AJAP1: variants seen among roughly 807,000 people sequenced by gnomAD.
The protein encoded by AJAP1 is adherens junctions associated protein 1.
AJAP1 carries 5 observed loss-of-function variants against 35.0 expected under a neutral mutation model. That is an observed-to-expected ratio of 0.14 (90% CI 0.07 to 0.30). AJAP1 has a LOEUF of 0.30. Among genes scored for constraint, AJAP1 ranks in the 10% least tolerant of loss-of-function variants. The probability of loss-of-function intolerance (pLI) is 1.00; values close to 1 mark genes in which losing one functional copy is unlikely to be tolerated. For missense variants in AJAP1, 586 were observed against 571.0 expected (o/e 1.03, Z -0.27); for synonymous variants, 284 against 249.3 (o/e 1.14, Z -1.31).
intron 2 of AJAP1, among the ~76,000 whole-genome samples, chr1:4,768,380 C>T (rs779306437): frequency 9.9e-5 from 15 of 152,204 alleles, no homozygotes; most frequent in Non-Finnish European, 7.3e-5. Context: ...ACAAAAATTA[C>T]CCCCAGAGAG....
intron 2 of AJAP1, among the ~76,000 whole-genome samples, chr1:4,751,171 T>G (rs530963818): frequency 6.6e-6 from 1 of 152,098 alleles, no homozygotes; most frequent in East Asian, 1.9e-4. Flanking sequence ...TTTCTCCCCC[T>G]CTGTTTTGTC....
At chr1:4,669,159 T>C (rs1639197704) in intron 1 of AJAP1, among the ~76,000 whole-genome samples, 2 of 152,244 alleles carry the variant, frequency 1.3e-5, no homozygotes, top group Non-Finnish European at 1.5e-5. Context: ...CATTCTTTAG[T>C]TCCAAGACCT....
intron 2 of AJAP1, among the ~76,000 whole-genome samples, chr1:4,719,564 G>C (rs1640472904): frequency 6.6e-6 from 1 of 152,104 alleles, no homozygotes; most frequent in South Asian, 2.1e-4. Context: ...GCGTGTGGTG[G>C]GGCTGAGATA....
chr1:4,739,445 G>A (rs1449736070), intron 2 of AJAP1, among the ~76,000 whole-genome samples: 1 of 152,194 alleles, frequency 6.6e-6, no homozygotes, highest in Non-Finnish European at 1.5e-5. Context: ...CCCTACCCTC[G>A]TGTTAACTCC....
chr1:4,692,946 C>T lies in AJAP1; in HGVS notation c.30-18954C>T, dbSNP rs1289228153. On this transcript the variant is annotated intron_variant, in intron 1 of 5. Coordinates refer to ENST00000378191, the MANE Select transcript of AJAP1 (RefSeq NM_018836.4). This position sits in a 1 kb window ranked among gnomAD's most constrained non-coding sequence, Gnocchi z 4.4. ...TTCTGGAACCCAGTGCTCATTGCAG[C>T]TGCTTTATTAGGTGGCTATCAAATA... Among the ~76,000 whole-genome samples the T allele has an allele frequency of 6.6e-6, 1 of 152,210 alleles. No individual in the cohort carries two copies. Among genetic ancestry groups the T allele is most frequent in the Non-Finnish European group, 1.5e-5 (1 of 68,046 alleles).
At chr1:4,767,578 TCACCATCAC>T (rs1337798649) in intron 2 of AJAP1, among the ~76,000 whole-genome samples, 2 of 149,272 alleles carry the variant, frequency 1.3e-5, no homozygotes, top group African/African-American at 2.5e-5. Flanking sequence ...ATCACCATCA[TCACCATCAC>T]CACCATCACC....
chr1:4,721,972 G>C (rs374245131), intron 2 of AJAP1, among the ~76,000 whole-genome samples: 3 of 152,292 alleles, frequency 2.0e-5, no homozygotes, highest in African/African-American at 7.2e-5. Context: ...GTGCTTACGT[G>C]CATATATACA....
chr1:4,670,097 G>GT (rs1570092835), intron 1 of AJAP1, among the ~76,000 whole-genome samples: 1 of 152,144 alleles, frequency 6.6e-6, no homozygotes, highest in East Asian at 1.9e-4. Context: ...TGGAAGGATG[G>GT]TGACCCCCTA....
chr1:4,749,744 GGTGT>G (rs1236564463), intron 2 of AJAP1, among the ~76,000 whole-genome samples: 1 of 152,346 alleles, frequency 6.6e-6, no homozygotes. Flanking sequence ...TTTCATGAAG[GGTGT>G]GTGGGTGTGT....
chr1:4,675,688 A>G (rs1639347633), intron 1 of AJAP1, among the ~76,000 whole-genome samples: 1 of 152,216 alleles, frequency 6.6e-6, no homozygotes, highest in Admixed American at 6.5e-5. Context: ...AGGGGCCCAG[A>G]GATGCCTTCC....
At chr1:4,744,451 G>A (rs1024444204) in intron 2 of AJAP1, among the ~76,000 whole-genome samples, 5 of 152,128 alleles carry the variant, frequency 3.3e-5, no homozygotes, top group Non-Finnish European at 7.3e-5. Flanking sequence ...GAGAGGCCTC[G>A]GGGGAGGATG....
chr1:4,774,370 A>T, intron 4 of AJAP1, 57 bp from the exon 5 acceptor site: 1 of 1,534,762 alleles, frequency 6.5e-7, no homozygotes, highest in Non-Finnish European at 9.0e-7. Context: ...CGGCTTGCCT[A>T]TCATGTGTCA....
chr1:4,746,600 A>G (rs562129133), intron 2 of AJAP1, among the ~76,000 whole-genome samples: 1 of 152,344 alleles, frequency 6.6e-6, no homozygotes, highest in South Asian at 2.1e-4. Context: ...TGACCACTCC[A>G]GGTGCCTTCT....
intron 2 of AJAP1, among the ~76,000 whole-genome samples, chr1:4,733,111 G>A (rs554155965): frequency 6.6e-6 from 1 of 151,940 alleles, no homozygotes; most frequent in Non-Finnish European, 1.5e-5. Flanking sequence ...TTCCTGCCCC[G>A]CCTCCAACAA....
At chr1:4,706,831 G>T (rs1055031459) in intron 1 of AJAP1, among the ~76,000 whole-genome samples, 1 of 151,970 alleles carries the variant, frequency 6.6e-6, no homozygotes, top group Non-Finnish European at 1.5e-5. Context: ...ACTGTTCTTC[G>T]GGAAAAAAGA....
At chr1:4,740,938 A>G (rs886957613) in intron 2 of AJAP1, among the ~76,000 whole-genome samples, 1 of 152,168 alleles carries the variant, frequency 6.6e-6, no homozygotes, top group Non-Finnish European at 1.5e-5. Context: ...TCTGGCACCC[A>G]CCTTCATCCT....
intron 5 of AJAP1, among the ~76,000 whole-genome samples, chr1:4,781,095 G>C (rs1253794307): frequency 2.6e-5 from 4 of 152,192 alleles, no homozygotes; most frequent in Non-Finnish European, 4.4e-5. Context: ...GATGATCAGA[G>C]ACGCAGTGCT....
chr1:4,664,052 C>G (rs1421695709), intron 1 of AJAP1, among the ~76,000 whole-genome samples: 1 of 152,174 alleles, frequency 6.6e-6, no homozygotes, highest in Admixed American at 6.5e-5. Flanking sequence ...CGTGCCGTAT[C>G]TTAACTCATT....
chr1:4,696,441 C>T (rs1639860779), intron 1 of AJAP1, among the ~76,000 whole-genome samples: 1 of 152,158 alleles, frequency 6.6e-6, no homozygotes, highest in African/African-American at 2.4e-5. Context: ...GCCTGGCTGC[C>T]CTGGCTATGC....
Sources: gnomAD v4.1 joint callset for allele counts (sites outside exome capture counted in the v4.1 genomes callset) on GRCh38, gnomAD v4.1.1 for gene constraint, Gnocchi (gnomAD v3.1) non-coding constraint, MANE v1.5 for transcripts, NCBI Gene and HGNC (gene_info 2026-07-23, HGNC 2026-07-21) for gene names.